The following AUTS2 variants were observed in gnomAD, a reference collection of about 807,000 sequenced individuals.
The protein encoded by AUTS2 is activator of transcription and developmental regulator AUTS2.
In AUTS2, 17 loss-of-function variants were observed where a neutral mutation model predicts 112.4. The observed-to-expected ratio is 0.15, with a 90% CI of 0.10 to 0.23. AUTS2 has a LOEUF of 0.23. Among genes scored for constraint, AUTS2 ranks in the 10% least tolerant of loss-of-function variants. The probability of loss-of-function intolerance (pLI) is 1.00; values close to 1 mark genes in which losing one functional copy is unlikely to be tolerated. For synonymous variants in AUTS2, 751 were observed against 702.7 expected (o/e 1.07, Z -1.09); for missense variants, 1,510 against 1,701.6 (o/e 0.89, Z 1.98).
chr7:70,290,517 G>A, intron 4 of AUTS2: 2 of 1,535,564 alleles, frequency 1.3e-6, no homozygotes, highest in African/African-American at 2.8e-5. Context: ...AGTTCCGTTT[G>A]GTGTGGTCAC....
chr7:70,278,774 A>G (rs1788066905), intron 4 of AUTS2, among the ~76,000 whole-genome samples: 1 of 152,242 alleles, frequency 6.6e-6, no homozygotes, highest in Non-Finnish European at 1.5e-5. Context: ...ACTGAAAATC[A>G]GCCCGAAAGT....
At chr7:69,943,373 T>C (rs967318120) in intron 2 of AUTS2, among the ~76,000 whole-genome samples, 4 of 152,220 alleles carry the variant, frequency 2.6e-5, no homozygotes, top group Admixed American at 2.0e-4. Flanking sequence ...GGCTTCAAAA[T>C]TTAGCTTCAG....
In AUTS2 at chr7:69,723,285, A is replaced by G. The variant is rs182247468; in HGVS notation, c.309+123323A>G. Among the ~76,000 whole-genome samples the G allele has an allele frequency of 2.3e-3, 348 of 152,274 alleles. 2 individuals carry two copies. Among genetic ancestry groups the G allele is most frequent in the African/African-American group, 7.9e-3 (330 of 41,554 alleles). On this transcript the variant is annotated intron_variant, in intron 1 of 18. Transcript: ENST00000342771. ...GGAGACCTTTTTAGGAAGTTTGAGC[A>G]ACCTTACATATTGGAATTCTTTCCT... is the stretch of plus-strand genomic sequence containing the variant.
chr7:70,493,904 C>A (rs1375417542), intron 5 of AUTS2, among the ~76,000 whole-genome samples: 1 of 151,878 alleles, frequency 6.6e-6, no homozygotes, highest in South Asian at 2.1e-4. Context: ...AGTTGCAGTT[C>A]TAGGCAGTTA....
chr7:70,393,736 A>G (rs1793966917), intron 4 of AUTS2, among the ~76,000 whole-genome samples: 1 of 152,142 alleles, frequency 6.6e-6, no homozygotes. Flanking sequence ...GGTTTCTGTA[A>G]CACGAAGCCC....
chr7:69,773,313 A>T (rs1184860256), intron 1 of AUTS2, among the ~76,000 whole-genome samples: 1 of 152,136 alleles, frequency 6.6e-6, no homozygotes, highest in Non-Finnish European at 1.5e-5. Context: ...AAGGCCGTTC[A>T]TTCAAGACCA....
intron 5 of AUTS2, among the ~76,000 whole-genome samples, chr7:70,600,680 A>T (rs936736055): frequency 6.6e-5 from 10 of 152,266 alleles, no homozygotes; most frequent in Admixed American, 3.3e-4. Context: ...TCCCACACCC[A>T]TTAGCAATCA....
chr7:69,858,371 T>G (rs1391728391), intron 1 of AUTS2, among the ~76,000 whole-genome samples: 1 of 152,194 alleles, frequency 6.6e-6, no homozygotes, highest in East Asian at 1.9e-4. Flanking sequence ...AGTCATGCAC[T>G]GCTTTTTAAT....
chr7:70,362,414 A>G (rs1250660852), intron 4 of AUTS2, among the ~76,000 whole-genome samples: 2 of 152,160 alleles, frequency 1.3e-5, no homozygotes, highest in East Asian at 1.9e-4. Flanking sequence ...ATACATTGAG[A>G]TTCTGCAGCA....
At chr7:70,187,355 A>G (rs1414542354) in intron 4 of AUTS2, among the ~76,000 whole-genome samples, 1 of 152,246 alleles carries the variant, frequency 6.6e-6, no homozygotes. Context: ...ATAAATAGGT[A>G]ATTAGGTATA....
intron 2 of AUTS2, among the ~76,000 whole-genome samples, chr7:70,039,187 A>G (rs542490939): frequency 6.6e-6 from 1 of 152,308 alleles, no homozygotes; most frequent in Non-Finnish European, 1.5e-5. Flanking sequence ...CACGAATTTT[A>G]CCTATTGTCA....
chr7:69,682,515 T>A (rs1485214505), intron 1 of AUTS2, among the ~76,000 whole-genome samples: 1 of 152,244 alleles, frequency 6.6e-6, no homozygotes, highest in East Asian at 1.9e-4. Flanking sequence ...ACTGGATGTC[T>A]ATAGTTTTTT....
intron 1 of AUTS2, among the ~76,000 whole-genome samples, chr7:69,687,421 C>T (rs1797109895): frequency 6.6e-6 from 1 of 152,124 alleles, no homozygotes; most frequent in Non-Finnish European, 1.5e-5. Flanking sequence ...CTTGATATGC[C>T]AGTTTCAAGT....
At chr7:69,692,201 A>C (rs1797378166) in intron 1 of AUTS2, among the ~76,000 whole-genome samples, 1 of 152,208 alleles carries the variant, frequency 6.6e-6, no homozygotes. Flanking sequence ...CCAAGTCTGT[A>C]GAGATAATAG....
chr7:70,479,017 T>A (rs1230576079), intron 5 of AUTS2, among the ~76,000 whole-genome samples: 2 of 151,806 alleles, frequency 1.3e-5, no homozygotes. Flanking sequence ...AAGAGAAAAT[T>A]TAATTACCCA....
chr7:70,447,965 T>C (rs902153537), intron 5 of AUTS2, among the ~76,000 whole-genome samples: 1 of 152,212 alleles, frequency 6.6e-6, no homozygotes, highest in Non-Finnish European at 1.5e-5. Flanking sequence ...TTGGAAAGGC[T>C]GTAATAAACT....
At chr7:70,079,737 A>G (rs1011339711) in intron 2 of AUTS2, among the ~76,000 whole-genome samples, 2 of 152,144 alleles carry the variant, frequency 1.3e-5, no homozygotes, top group Non-Finnish European at 2.9e-5. Flanking sequence ...TGGTGGAAGT[A>G]TTTACACCAC....
intron 1 of AUTS2, among the ~76,000 whole-genome samples, chr7:69,664,877 G>A (rs1226222662): frequency 6.6e-6 from 1 of 152,192 alleles, no homozygotes. Flanking sequence ...GGGTTGGCCA[G>A]TAGGGACTAT....
rs955014761 is a variant in AUTS2 at position 70,766,916 on chromosome 7, G to A, written c.1689+582G>A. ...TGTCAGCCAGTGTTCAGGGATCCCC[G>A]CAGGGACAGAACGCTCTGCCTTGGG... is the stretch of plus-strand genomic sequence containing the variant. On this transcript the variant is annotated intron_variant, in intron 9 of 18. Transcript: ENST00000342771. This position sits in a 1 kb window ranked among gnomAD's most constrained non-coding sequence, Gnocchi z 4.8. Among the ~76,000 whole-genome samples the A allele has an allele frequency of 1.3e-5, 2 of 152,214 alleles. No homozygotes were observed. Among genetic ancestry groups the A allele is most frequent in the African/African-American group, 2.4e-5 (1 of 41,438 alleles).
Sources: allele counts gnomAD v4.1 joint callset (sites outside exome capture counted in the v4.1 genomes callset), GRCh38; gene constraint gnomAD v4.1.1; non-coding constraint Gnocchi (gnomAD v3.1); transcripts MANE v1.5; gene names NCBI Gene and HGNC (gene_info 2026-07-23, HGNC 2026-07-21).